UBR1: variants seen among roughly 807,000 people sequenced by gnomAD.
The protein encoded by UBR1 is E3 ubiquitin-protein ligase UBR1.
In UBR1, 102 loss-of-function variants were observed where a neutral mutation model predicts 242.1. That is an observed-to-expected ratio of 0.42 (90% confidence interval 0.36 to 0.50). The LOEUF (loss-of-function observed/expected upper bound fraction) is 0.50. UBR1 is among the 20% of genes least tolerant of loss of function. UBR1 has a pLI of 0.01. For synonymous variants in UBR1, 675 were observed against 684.8 expected, an observed-to-expected ratio of 0.99 and a Z score of 0.22; for missense variants, 1,772 against 2,101.8, an observed-to-expected ratio of 0.84 and a Z score of 3.07.
chr15:42,949,948 C>T (rs1236824365), intron 46 of UBR1, among the ~76,000 whole-genome samples: 1 of 150,922 alleles, frequency 6.6e-6, no homozygotes, highest in African/African-American at 2.4e-5. Context: ...AAGTGATTCT[C>T]CTACCTCAGC....
intron 1 of UBR1, 85 bp from the exon 2 acceptor site, chr15:43,086,325 A>C: frequency 6.7e-7 from 1 of 1,492,220 alleles, no homozygotes; most frequent in East Asian, 2.3e-5. Context: ...ATAATTCTAC[A>C]ATTTCAAAGT....
At position 42,990,111 on chromosome 15, in the gene UBR1, G is replaced by T; in HGVS notation, c.3767C>A (p.Pro1256Gln). 2 of 1,592,584 alleles carry T rather than the reference G, an allele frequency of 1.3e-6. No homozygotes were observed. The highest frequency in any genetic ancestry group is 1.1e-5 in the South Asian group (1 of 88,574). The change falls in exon 34 of 47, where the codon CCA becomes CAA. Residue 1256 changes from proline (P) to glutamine (Q), a missense_variant. Transcript: ENST00000290650. ...TCCTTGATTAAAGAAAATAGGAATT[G>T]GGTTTTCTCCTTATAAATTAAAAGG... ...YNIRHAKGEN[P>Q]IPIFFNQGMG...
At chr15:43,033,632 C>A (rs575994334) in intron 19 of UBR1, among the ~76,000 whole-genome samples, 3 of 151,670 alleles carry the variant, frequency 2.0e-5, no homozygotes, top group Admixed American at 2.0e-4. Flanking sequence ...CCAGCCTGGG[C>A]GACAGAGCGA....
chr15:42,994,051 A>G (rs1216972546), intron 33 of UBR1, among the ~76,000 whole-genome samples: 7 of 152,032 alleles, frequency 4.6e-5, no homozygotes, highest in Non-Finnish European at 1.0e-4. Context: ...TGATTTCTCC[A>G]TCTCTCTCTA....
intron 11 of UBR1, among the ~76,000 whole-genome samples, 158 bp from the exon 12 acceptor site, chr15:43,055,057 G>T (rs2033600250): frequency 6.6e-6 from 1 of 152,134 alleles, no homozygotes; most frequent in South Asian, 2.1e-4. Context: ...CAACTACTAA[G>T]AAGTTATTTT....
Position 43,036,263 on chromosome 15 carries a change from A to G in UBR1, c.2105T>C (p.Met702Thr), listed in dbSNP as rs1172765012. ...IIMLQIGASL[M>T]DPNKFLLLVL... ...CAGTAACAAGAACTTATTGGGATCC[A>G]TTAAAGATGCACCAATCTGTGAAAG... The change falls in exon 19 of 47, where the codon ATG (methionine) becomes ACG (threonine). Residue 702 changes from methionine (M) to threonine (T), a missense_variant. This residue lies in a region of UBR1 where 734 missense variants were observed against 893.3 expected (regional missense o/e 0.82). Coordinates refer to ENST00000290650, the MANE Select transcript of UBR1 (RefSeq NM_174916.3). 2 of 1,613,568 alleles carry G rather than the reference A, an allele frequency of 1.2e-6. No individual in the cohort carries two copies. Among genetic ancestry groups the G allele is most frequent in the Non-Finnish European group, 1.7e-6 (2 of 1,179,644 alleles).
chr15:43,012,200 C>A (rs1224887606), intron 29 of UBR1, among the ~76,000 whole-genome samples: 3 of 150,164 alleles, frequency 2.0e-5, no homozygotes, highest in African/African-American at 4.9e-5. Context: ...GCACTCCAGC[C>A]TGGGCGACAG....
chr15:42,976,691 A>T lies in UBR1; in HGVS notation c.4369+26T>A, dbSNP rs775349476. On this transcript the variant is annotated intron_variant, in intron 39 of 46. Coordinates refer to ENST00000290650, the MANE Select transcript of UBR1 (RefSeq NM_174916.3). ...TAAAGCATGGCAAAATGTTATTCAC[A>T]GTCAACACCCAGATGAAAACCTTAC... The T allele has an allele frequency of 1.9e-6, 3 of 1,613,736 alleles. No individual in the cohort carries two copies. The East Asian group carries it at 6.7e-5, about 36-fold the overall frequency.
intron 41 of UBR1, among the ~76,000 whole-genome samples, chr15:42,964,796 C>T (rs941867608): frequency 2.0e-5 from 3 of 152,116 alleles, no homozygotes; most frequent in East Asian, 1.9e-4. Flanking sequence ...AATATTCTTC[C>T]TTCAACTGTC....
At chr15:42,973,491 C>T (rs1018466953) in intron 39 of UBR1, among the ~76,000 whole-genome samples, 7 of 152,056 alleles carry the variant, frequency 4.6e-5, no homozygotes, top group Non-Finnish European at 8.8e-5. Context: ...GACAGGTTTT[C>T]CTCATGTTGG....
rs2033650834 is a variant in UBR1 at position 43,059,023 on chromosome 15, C to T, written c.1093+62G>A. On this transcript the variant is annotated intron_variant, in intron 9 of 46. Transcript: ENST00000290650. ...TAATAAACAAAAGATATTACAGCTC[C>T]ACTTTAAGGTCATAATCTTCCTTTG... 2.0e-5 allele frequency: 26 copies of T among 1,275,742 alleles called. No homozygotes were observed. In the South Asian group the frequency reaches 3.1e-4, roughly 15 times the overall value. The allele number at this position is 1,275,742 out of a possible 1,614,324, so 79.0% of individuals were successfully genotyped here. A position where few individuals can be genotyped will look rare whatever the true frequency, so the allele number is the denominator to read the frequency against.
intron 22 of UBR1, 84 bp downstream of exon 22, chr15:43,027,692 C>CT (rs2033195548): frequency 7.6e-7 from 1 of 1,321,932 alleles, no homozygotes; most frequent in African/African-American, 1.4e-5. Context: ...CAGGCAAGAA[C>CT]TTCAGAGCTT....
At chr15:42,964,426 G>A (rs867322522) in intron 41 of UBR1, among the ~76,000 whole-genome samples, 2 of 151,822 alleles carry the variant, frequency 1.3e-5, no homozygotes, top group African/African-American at 4.8e-5. Flanking sequence ...CTGAGATCGC[G>A]CTATTGCACT....
intron 46 of UBR1, among the ~76,000 whole-genome samples, chr15:42,946,736 T>C (rs2031741729): frequency 6.6e-6 from 1 of 152,174 alleles, no homozygotes; most frequent in Non-Finnish European, 1.5e-5. Flanking sequence ...AGTCTCCTCA[T>C]TTTCATAAGT....
intron 44 of UBR1, among the ~76,000 whole-genome samples, chr15:42,956,743 T>C (rs970797154): frequency 2.0e-5 from 3 of 152,186 alleles, no homozygotes; most frequent in Non-Finnish European, 4.4e-5. Context: ...TATTCCCCAA[T>C]GTCATGGCAG....
intron 6 of UBR1, among the ~76,000 whole-genome samples, chr15:43,064,577 C>CTTT (rs35224418): frequency 1.4e-5 from 2 of 138,842 alleles, no homozygotes; most frequent in African/African-American, 5.3e-5. Flanking sequence ...TATCTTACAT[C>CTTT]TTTTTTTTTT....
At chr15:43,077,665 GA>G (rs1180854436) in intron 3 of UBR1, among the ~76,000 whole-genome samples, 4,297 of 126,856 alleles carry the variant, frequency 0.034, 200 homozygotes, top group African/African-American at 0.11. Flanking sequence ...AAAAATCTGA[GA>G]AAAAAAAAAA....
intron 21 of UBR1, among the ~76,000 whole-genome samples, chr15:43,029,114 T>TACACACGCACGCACACAC (rs1555446678): frequency 2.1e-5 from 3 of 145,752 alleles, no homozygotes; most frequent in African/African-American, 8.4e-5. Context: ...TAAAAACAAA[T>TACACACGCACGCACACAC]ACACACACAC....
chr15:43,083,303 A>C (rs2033994322), intron 2 of UBR1, among the ~76,000 whole-genome samples: 1 of 152,248 alleles, frequency 6.6e-6, no homozygotes, highest in Non-Finnish European at 1.5e-5. Context: ...AACTTCTTAA[A>C]TGCATTGTTT....
Sources: allele counts gnomAD v4.1 joint callset (sites outside exome capture counted in the v4.1 genomes callset), GRCh38; gene constraint gnomAD v4.1.1; regional missense constraint gnomAD v4.1.1; transcripts MANE v1.5; gene names NCBI Gene and HGNC (gene_info 2026-07-23, HGNC 2026-07-21).